TMEM267: variants seen among roughly 807,000 people sequenced by gnomAD.
TMEM267 encodes the protein transmembrane protein C5orf28.
Under a neutral mutation model 19.3 loss-of-function variants are expected in TMEM267, and 20 were observed. The ratio of observed to expected loss-of-function variants is 1.04; its 90% CI spans 0.73 to 1.51. The LOEUF is 1.51. Among genes scored for constraint, TMEM267 ranks in the 40% most tolerant of loss-of-function variants. TMEM267 has a pLI of 0.00. For missense variants in TMEM267, 242 were observed against 261.9 expected (o/e 0.92, Z 0.52); for synonymous variants, 88 against 90.3 (o/e 0.97, Z 0.15).
At chr5:43,449,110 A>G (rs943369892) in intron 2 of TMEM267, among the ~76,000 whole-genome samples, 2 of 151,890 alleles carry the variant, frequency 1.3e-5, no homozygotes, top group Admixed American at 1.3e-4. Flanking sequence ...CACTGAAAAA[A>G]TTAATACAAA....
chr5:43,475,928 C>T (rs557995074), intron 1 of TMEM267, among the ~76,000 whole-genome samples: 17 of 152,292 alleles, frequency 1.1e-4, no homozygotes, highest in African/African-American at 4.1e-4. Flanking sequence ...TGTACTGTAT[C>T]AACTCAGCTA....
intron 1 of TMEM267, among the ~76,000 whole-genome samples, 187 bp from the exon 2 acceptor site, chr5:43,454,230 T>A (rs529919820): frequency 1.3e-3 from 132 of 102,644 alleles, no homozygotes; most frequent in African/African-American, 5.8e-3. Context: ...TTTTTTTTTT[T>A]AGGAAGAGCA....
chr5:43,449,569 G>C (rs758381368), intron 2 of TMEM267, among the ~76,000 whole-genome samples: 1 of 152,186 alleles, frequency 6.6e-6, no homozygotes, highest in East Asian at 1.9e-4. Flanking sequence ...CTGTAATAAT[G>C]ATAAAAGAAC....
intron 1 of TMEM267, among the ~76,000 whole-genome samples, chr5:43,469,307 AAAAAG>A (rs1302512918): frequency 6.6e-6 from 1 of 152,222 alleles, no homozygotes; most frequent in Non-Finnish European, 1.5e-5. Flanking sequence ...AGACACACAA[AAAAAG>A]AAAACTAAAG....
At chr5:43,462,708 A>C (rs1333317856) in intron 1 of TMEM267, among the ~76,000 whole-genome samples, 1 of 152,166 alleles carries the variant, frequency 6.6e-6, no homozygotes, top group Non-Finnish European at 1.5e-5. Flanking sequence ...AGTGAGCTTG[A>C]AGCCAGGCTA....
chr5:43,457,268 G>A (rs1743007564), intron 1 of TMEM267, among the ~76,000 whole-genome samples: 1 of 152,128 alleles, frequency 6.6e-6, no homozygotes, highest in Non-Finnish European at 1.5e-5. Context: ...AATGTATGCA[G>A]GGCAAAGGGC....
At chr5:43,466,014 C>G (rs1743646134) in intron 1 of TMEM267, among the ~76,000 whole-genome samples, 1 of 150,084 alleles carries the variant, frequency 6.7e-6, no homozygotes, top group Admixed American at 6.6e-5. Flanking sequence ...AGGGAATAAA[C>G]TTTTTAAAAC....
chr5:43,466,601 A>T (rs150436247), intron 1 of TMEM267, among the ~76,000 whole-genome samples: 262 of 152,314 alleles, frequency 1.7e-3, no homozygotes, highest in African/African-American at 6.0e-3. Context: ...ACAAAAAAAT[A>T]GAAAGTGAAA....
chr5:43,483,786 C>T (rs1446069046), intron 1 of TMEM267, 36 bp downstream of exon 1: 4 of 152,494 alleles, frequency 2.6e-5, no homozygotes, highest in African/African-American at 2.4e-5. Flanking sequence ...CCGGCCCCCT[C>T]CCCTCAGTCC....
At chr5:43,446,655 T>G in intron 2 of TMEM267, 98 bp from the exon 3 acceptor site, 1 of 713,888 alleles carries the variant, frequency 1.4e-6, no homozygotes, top group Non-Finnish European at 2.2e-6. Context: ...CAGAGTCTAT[T>G]GGACATGCAA....
intron 1 of TMEM267, among the ~76,000 whole-genome samples, chr5:43,462,483 T>G (rs1743327913): frequency 6.6e-6 from 1 of 152,208 alleles, no homozygotes; most frequent in Admixed American, 6.5e-5. Flanking sequence ...ATGTGACTTT[T>G]CAGACAGAGA....
At chr5:43,467,121 T>C (rs10045400) in intron 1 of TMEM267, among the ~76,000 whole-genome samples, 86,853 of 140,082 alleles carry the variant, frequency 0.62, 28,942 homozygotes, top group African/African-American at 0.89. Flanking sequence ...TGCACTCCAG[T>C]CTGGGCAACA....
At chr5:43,451,035 C>T (rs1333675645) in intron 2 of TMEM267, among the ~76,000 whole-genome samples, 2 of 151,976 alleles carry the variant, frequency 1.3e-5, no homozygotes, top group East Asian at 3.9e-4. Context: ...GACGGGATTT[C>T]ACCATGTTGG....
At chr5:43,477,399 C>T (rs1744492661) in intron 1 of TMEM267, among the ~76,000 whole-genome samples, 1 of 152,038 alleles carries the variant, frequency 6.6e-6, no homozygotes, top group Admixed American at 6.6e-5. Flanking sequence ...CCAGCCTGAC[C>T]AACACCGTGA....
Position 43,446,500 on chromosome 5 carries a change from C to A in TMEM267, c.370G>T (p.Val124Leu). The A allele has an allele frequency of 6.2e-7, 1 of 1,614,010 alleles. No homozygotes were observed. Among genetic ancestry groups the A allele is most frequent in the Non-Finnish European group, 8.5e-7 (1 of 1,179,960 alleles). The change falls in exon 3 of 3, where the codon GTG (valine) becomes TTG (leucine). Residue 124 changes from valine (V) to leucine (L), a missense_variant. Coordinates refer to ENST00000397080, the MANE Select transcript of TMEM267 (RefSeq NM_022483.5). Reference sequence around the variant, plus strand: ...ATAGTAAATTTCAGGGTCAGAACCACAACGGGAATCACAGTAGAACAGTGA... The same window carrying A: ...ATAGTAAATTTCAGGGTCAGAACCAAAACGGGAATCACAGTAGAACAGTGA... ...FLHCSTVIPV[V>L]VLTLKFTMHL...
At chr5:43,462,426 C>A (rs937966212) in intron 1 of TMEM267, among the ~76,000 whole-genome samples, 2 of 152,044 alleles carry the variant, frequency 1.3e-5, no homozygotes, top group African/African-American at 4.8e-5. Flanking sequence ...ATGACCTCAC[C>A]AAATGAACTA....
intron 1 of TMEM267, among the ~76,000 whole-genome samples, chr5:43,471,466 A>G (rs185095555): frequency 6.6e-6 from 1 of 152,308 alleles, no homozygotes; most frequent in East Asian, 1.9e-4. Context: ...TGGACCCACA[A>G]AAGGCCCAGA....
chr5:43,464,807 A>G (rs10462050), intron 1 of TMEM267, among the ~76,000 whole-genome samples: 2,115 of 152,358 alleles, frequency 0.014, 59 homozygotes, highest in East Asian at 0.13. Context: ...AAATTAATTC[A>G]AGATGGATTA....
In TMEM267 at chr5:43,448,778, A is replaced by C. The variant is rs201586635; in HGVS notation, c.313-2221T>G. Reference sequence around the variant, plus strand: ...GCAATAAGAGTGAAACTCTGTCTAAAAAACAACCCCCCCCCACAAAAAAAA... The same window carrying C: ...GCAATAAGAGTGAAACTCTGTCTAACAAACAACCCCCCCCCACAAAAAAAA... On this transcript the variant is annotated intron_variant, in intron 2 of 2. Coordinates refer to ENST00000397080, the MANE Select transcript of TMEM267 (RefSeq NM_022483.5). Among the ~76,000 whole-genome samples, 6 of 150,282 alleles carry C rather than the reference A, an allele frequency of 4.0e-5. No homozygotes were observed. The East Asian group carries it at 1.2e-3, about 30-fold the overall frequency.
Sources: gnomAD v4.1 joint callset for allele counts (sites outside exome capture counted in the v4.1 genomes callset) on GRCh38, gnomAD v4.1.1 for gene constraint, MANE v1.5 for transcripts, NCBI Gene and HGNC (gene_info 2026-07-23, HGNC 2026-07-21) for gene names.